The following OTOF variants were observed in gnomAD, a reference collection of about 807,000 sequenced individuals.
OTOF encodes the protein otoferlin, also known as fer-1-like family member 2.
OTOF carries 218 observed loss-of-function variants against 236.8 expected under a neutral mutation model. The observed-to-expected ratio is 0.92, with a 90% CI of 0.82 to 1.03. OTOF has a LOEUF of 1.03. Among genes scored for constraint, OTOF ranks in the 50% least tolerant of loss-of-function variants. The pLI is 0.00. For missense variants in OTOF, 2,590 were observed against 2,694.4 expected (o/e 0.96, Z 0.86); for synonymous variants, 1,041 against 1,072.5 (o/e 0.97, Z 0.57).
chr2:26,539,533 C>T (rs189185457), intron 1 of OTOF, among the ~76,000 whole-genome samples: 1,686 of 152,218 alleles, frequency 0.011, 33 homozygotes, highest in African/African-American at 0.039. Context: ...GTCGGGAGTT[C>T]GAGACCTGCT....
At position 26,457,253 on chromosome 2, in the gene OTOF, A is replaced by C. The variant is rs925602546; in HGVS notation, c.*985T>G. The C allele has an allele frequency of 6.5e-6, 1 of 152,964 alleles. No homozygotes were observed. Among genetic ancestry groups the C allele is most frequent in the Non-Finnish European group, 1.5e-5 (1 of 68,612 alleles). The allele number at this position is 152,964 out of a possible 1,614,324, so 9.5% of individuals were successfully genotyped here. A position where few individuals can be genotyped will look rare whatever the true frequency, so the allele number is the denominator to read the frequency against. ...AGAAAAATCACCACTCAAGAAAAGA[A>C]AAACAGCCAACAGAAACCCAGACAC... On this transcript the variant is annotated 3_prime_UTR_variant, in exon 47 of 47. Coordinates refer to ENST00000272371, the MANE Select transcript of OTOF (RefSeq NM_194248.3). This position sits in a 1 kb window ranked among gnomAD's most constrained non-coding sequence, Gnocchi z 4.4.
At chr2:26,541,464 T>A (rs1299923750) in intron 1 of OTOF, among the ~76,000 whole-genome samples, 1 of 152,148 alleles carries the variant, frequency 6.6e-6, no homozygotes, top group Non-Finnish European at 1.5e-5. Context: ...ACATCAATCA[T>A]ACAGAAACAG....
At chr2:26,557,345 A>G (rs1224179925) in intron 1 of OTOF, among the ~76,000 whole-genome samples, 1 of 152,072 alleles carries the variant, frequency 6.6e-6, no homozygotes, top group African/African-American at 2.4e-5. Flanking sequence ...CTCTCGGGAG[A>G]AGGGGCCATG....
At position 26,464,973 on chromosome 2, in the gene OTOF, A is replaced by G; in HGVS notation, c.4856T>C (p.Leu1619Pro). The G allele has an allele frequency of 6.5e-7, 1 of 1,544,434 alleles. No homozygotes were observed. Among genetic ancestry groups the G allele is most frequent in the Non-Finnish European group, 8.8e-7 (1 of 1,141,288 alleles). Residue 1619 changes from leucine to proline, a missense_variant, in exon 39 of 47, where the codon CTC (leucine) becomes CCC (proline). Coordinates refer to ENST00000272371, the MANE Select transcript of OTOF (RefSeq NM_194248.3). ...GCCGTCCACTTTGCCGTCTTTGCAG[A>G]GGCGGGTCAGGATCTGGCTGGGCTT... ...PMKPSQILTR[L>P]CKDGKVDGPH...
rs1313678214 is a variant in OTOF at position 26,489,799 on chromosome 2, GTGT to G, written c.898-62_898-60del. The G allele has an allele frequency of 9.8e-6, 13 of 1,332,480 alleles. 1 individual carries two copies. In the South Asian group the frequency reaches 1.5e-4, roughly 16 times the overall value. The allele number at this position is 1,332,480 out of a possible 1,614,324, so 82.5% of individuals were successfully genotyped here. Reference sequence around the variant, plus strand: ...GAGGGCAGCAGCAACAGCCCAGGCAGTGTTGGGCCCCTCCCTCCTCGCAGGGCC... The same window carrying G: ...GAGGGCAGCAGCAACAGCCCAGGCAGTGGGCCCCTCCCTCCTCGCAGGGCC... On this transcript the variant is annotated intron_variant, in intron 9 of 46. Transcript: ENST00000272371.
intron 18 of OTOF, chr2:26,478,080 C>T (rs1415402678): frequency 2.1e-6 from 3 of 1,403,918 alleles, no homozygotes; most frequent in Non-Finnish European, 2.8e-6. Context: ...AGAGGGAAAC[C>T]CTAGGACTGG....
Position 26,537,739 on chromosome 2 carries a change from C to T in OTOF, c.115G>A (p.Glu39Lys). ...ACCTCATCAAAGTCAGCCACATCCT[C>T]ACAGTTCTCCAGGACCCGAGAGTAG... is the stretch of plus-strand genomic sequence containing the variant. ...SFYSRVLENC[E>K]DVADFDETFR... The change falls in exon 2 of 47, where the codon GAG becomes AAG. Residue 39 changes from glutamate to lysine, a missense_variant. Coordinates refer to ENST00000272371, the MANE Select transcript of OTOF (RefSeq NM_194248.3). The T allele has an allele frequency of 1.3e-6, 2 of 1,555,424 alleles. No individual in the cohort carries two copies. The highest frequency in any genetic ancestry group is 1.7e-6 in the Non-Finnish European group (2 of 1,148,684).
Position 26,504,434 on chromosome 2 carries a change from T to C in OTOF, c.510-589A>G, listed in dbSNP as rs182757397. Among the ~76,000 whole-genome samples the C allele has an allele frequency of 2.4e-4, 37 of 152,288 alleles. No individual in the cohort carries two copies. The East Asian group carries it at 7.0e-3, about 29-fold the overall frequency. ...GACTTGTCTTTCTCCAACCTCTCCGTGTTCTGGGATGCTCCTTGGTCCCCA... is the reference window on the plus strand; with the variant it reads ...GACTTGTCTTTCTCCAACCTCTCCGCGTTCTGGGATGCTCCTTGGTCCCCA... On this transcript the variant is annotated intron_variant, in intron 5 of 46. Transcript: ENST00000272371.
Position 26,537,496 on chromosome 2 carries a change from C to T in OTOF, c.138+220G>A, listed in dbSNP as rs78723633. Among the ~76,000 whole-genome samples the T allele has an allele frequency of 2.9e-3, 443 of 152,346 alleles. 7 individuals are homozygous for T. In the South Asian group the frequency reaches 0.033, roughly 11 times the overall value. On this transcript the variant is annotated intron_variant, in intron 2 of 46. Coordinates refer to ENST00000272371, the MANE Select transcript of OTOF (RefSeq NM_194248.3). ...TGCTGTTCCCCGTGTCATTTGCACA[C>T]GGGCCTCACCTGTGCAGAGGTTTCT...
chr2:26,473,133 C>T lies in OTOF; in HGVS notation c.3732G>A (p.Thr1244=), dbSNP rs1000628407. 1.9e-6 allele frequency: 3 copies of T among 1,611,600 alleles called. No homozygotes were observed. The highest frequency in any genetic ancestry group is 2.2e-5 in the East Asian group (1 of 44,874). Residue 1244 remains threonine (T), a splice_region_variant and synonymous_variant, in exon 29 of 47, where the codon ACG becomes ACA. Coordinates refer to ENST00000272371, the MANE Select transcript of OTOF (RefSeq NM_194248.3). This position sits in a 1 kb window ranked among gnomAD's most constrained non-coding sequence, Gnocchi z 7.2. Reference sequence around the variant, plus strand: ...GTGGCAGGGTGGATGTGGCCATACCCGTGGTGTTCCAGCTGGGGGCCGAGC... The same window carrying T: ...GTGGCAGGGTGGATGTGGCCATACCTGTGGTGTTCCAGCTGGGGGCCGAGC... ...PDRSAPSWNT[T]VRLLRRCRVL... is the part of the protein sequence containing the mutation.
In OTOF at chr2:26,461,228, T is replaced by A. The variant is rs114397533; in HGVS notation, c.5534-198A>T. On this transcript the variant is annotated intron_variant, in intron 43 of 46. Coordinates refer to ENST00000272371, the MANE Select transcript of OTOF (RefSeq NM_194248.3). The surrounding 1 kb of genome is among the most constrained non-coding windows in gnomAD (Gnocchi z 6.2). The stretch of plus-strand genomic sequence containing the variant: ...GCTTGCTAGGCAGCCCCAGCCCCCA[T>A]GCTTTACTCAGGTCCTTCTTTCACC... Among the ~76,000 whole-genome samples, 2,817 of 152,236 alleles carry A rather than the reference T, an allele frequency of 0.019. 76 individuals carry two copies. The highest frequency in any genetic ancestry group is 0.065 in the African/African-American group (2,690 of 41,534).
At chr2:26,458,607 TCCCACCGGGC>T (rs1017186221) in intron 46 of OTOF, among the ~76,000 whole-genome samples, 8 of 152,218 alleles carry the variant, frequency 5.3e-5, no homozygotes, top group African/African-American at 1.9e-4. Context: ...AAATGGCTGT[TCCCACCGGGC>T]CCTGCTGAGG....
chr2:26,519,183 G>A, intron 3 of OTOF, 74 bp from the exon 4 acceptor site: 5 of 1,001,306 alleles, frequency 5.0e-6, no homozygotes, highest in Admixed American at 2.0e-5. Context: ...CATCCCAAGG[G>A]CTGTGACTGC....
At position 26,493,206 on chromosome 2, in the gene OTOF, A is replaced by G. The variant is rs574679473; in HGVS notation, c.897+1736T>C. ...GGGCCTGTGGGAAAGCAGCTGGGAG[A>G]GCAGAGTCAATTTGTGGTCACAAAG... On this transcript the variant is annotated intron_variant, in intron 9 of 46. Coordinates refer to ENST00000272371, the MANE Select transcript of OTOF (RefSeq NM_194248.3). 5.4e-4 allele frequency among the ~76,000 whole-genome samples: 82 copies of G among 152,118 alleles called. No homozygotes were observed. In the South Asian group the frequency reaches 0.013, roughly 25 times the overall value.
intron 1 of OTOF, among the ~76,000 whole-genome samples, chr2:26,550,703 C>T (rs568119786): frequency 3.7e-4 from 57 of 152,236 alleles, no homozygotes; most frequent in African/African-American, 1.1e-3. Flanking sequence ...ATCCCAGCGC[C>T]GCTCCTTCCT....
chr2:26,465,855 A>G lies in OTOF; in HGVS notation c.4629-13T>C. Reference sequence around the variant, plus strand: ...GATGTCAAAGGACCTGGTGGGGTGGAGTTAGGAGAAGGGCTTAAGGATTGG... The same window carrying G: ...GATGTCAAAGGACCTGGTGGGGTGGGGTTAGGAGAAGGGCTTAAGGATTGG... On this transcript the variant is annotated splice_polypyrimidine_tract_variant and intron_variant, in intron 37 of 46. Transcript: ENST00000272371. The G allele has an allele frequency of 6.2e-7, 1 of 1,614,148 alleles. No homozygotes were observed. The highest frequency in any genetic ancestry group is 1.7e-5 in the Admixed American group (1 of 60,016).
chr2:26,494,063 G>A (rs921088770), intron 9 of OTOF, among the ~76,000 whole-genome samples: 1 of 152,210 alleles, frequency 6.6e-6, no homozygotes, highest in African/African-American at 2.4e-5. Flanking sequence ...CTGGAGCCTG[G>A]GAACCAAGGT....
Position 26,482,567 on chromosome 2 carries a change from C to G in OTOF, c.1418G>C (p.Ser473Thr). Reference protein sequence around the residue: ...QKGKTSVQKSSYEPLWNEQVV... With the variant: ...QKGKTSVQKSTYEPLWNEQVV... Reference sequence around the variant, plus strand: ...CTGCTCATTCCACAGGGGCTCATAGCTGCTCTTCTGCACTGAAGTCTTGCC... The same window carrying G: ...CTGCTCATTCCACAGGGGCTCATAGGTGCTCTTCTGCACTGAAGTCTTGCC... The change falls in exon 14 of 47, where the codon AGC becomes ACC. Residue 473 changes from serine to threonine, a missense_variant. Physicochemically the swap from Ser to Thr is moderately conservative, Grantham distance 58. This residue lies in a region of OTOF where 1,379 missense variants were observed against 1,341.6 expected (regional missense o/e 1.03). Coordinates refer to ENST00000272371, the MANE Select transcript of OTOF (RefSeq NM_194248.3). The G allele has an allele frequency of 1.9e-6, 3 of 1,613,340 alleles. No individual in the cohort carries two copies. The highest frequency in any genetic ancestry group is 2.5e-6 in the Non-Finnish European group (3 of 1,179,960).
intron 30 of OTOF, 129 bp from the exon 31 acceptor site, chr2:26,471,279 G>A (rs1392993947): frequency 1.1e-5 from 11 of 1,016,484 alleles, no homozygotes; most frequent in Admixed American, 3.6e-5. Flanking sequence ...CCCTGTGCCC[G>A]CAAGGCCAAC....
Sources: gnomAD v4.1 joint callset for allele counts (sites outside exome capture counted in the v4.1 genomes callset) on GRCh38, gnomAD v4.1.1 for gene constraint, gnomAD v4.1.1 regional missense constraint, Gnocchi (gnomAD v3.1) non-coding constraint, MANE v1.5 for transcripts, NCBI Gene and HGNC (gene_info 2026-07-23, HGNC 2026-07-21) for gene names.